The following PLEKHG1 variants were observed in gnomAD, a reference collection of about 807,000 sequenced individuals.
The protein encoded by PLEKHG1 is pleckstrin homology and RhoGEF domain containing G1.
PLEKHG1 carries 44 observed loss-of-function variants against 100.8 expected under a neutral mutation model. The observed-to-expected ratio is 0.44, with a 90% CI of 0.34 to 0.56. PLEKHG1 has a LOEUF of 0.56. Among genes scored for constraint, PLEKHG1 ranks in the 20% least tolerant of loss-of-function variants. The pLI is 0.01. For missense variants in PLEKHG1, 1,545 were observed against 1,720.9 expected (o/e 0.90, Z 1.81); for synonymous variants, 640 against 662.5 (o/e 0.97, Z 0.52).
At chr6:150,606,139 C>A (rs1179614958) in intron 1 of PLEKHG1, among the ~76,000 whole-genome samples, 1 of 152,168 alleles carries the variant, frequency 6.6e-6, no homozygotes, top group Non-Finnish European at 1.5e-5. Context: ...GTGAAACCTT[C>A]ACTTTGATTG....
intron 3 of PLEKHG1, among the ~76,000 whole-genome samples, chr6:150,693,238 A>G (rs921797308): frequency 7.2e-5 from 11 of 152,278 alleles, no homozygotes; most frequent in Middle Eastern, 3.4e-3. Flanking sequence ...CAGTGAGCCA[A>G]GATCACGCCA....
intron 3 of PLEKHG1, among the ~76,000 whole-genome samples, chr6:150,674,070 G>T (rs751097099): frequency 4.6e-5 from 7 of 151,880 alleles, no homozygotes; most frequent in Non-Finnish European, 1.0e-4. Flanking sequence ...TTTATTTAAG[G>T]AAAAAAAGAA....
At chr6:150,666,200 A>G (rs1779390002) in intron 3 of PLEKHG1, among the ~76,000 whole-genome samples, 1 of 152,218 alleles carries the variant, frequency 6.6e-6, no homozygotes, top group African/African-American at 2.4e-5. Flanking sequence ...AATGTATTAA[A>G]AGGGTCAGAT....
intron 3 of PLEKHG1, among the ~76,000 whole-genome samples, chr6:150,701,417 T>TTTTATA (rs1261404373): frequency 1.6e-3 from 51 of 31,160 alleles, no homozygotes; most frequent in South Asian, 2.5e-3. Flanking sequence ...CAGTAATTCT[T>TTTTATA]TATATATATA....
At chr6:150,623,496 G>GT (rs1777392323) in intron 1 of PLEKHG1, among the ~76,000 whole-genome samples, 1 of 152,192 alleles carries the variant, frequency 6.6e-6, no homozygotes, top group Admixed American at 6.5e-5. Context: ...ATTCTCTGTA[G>GT]TTTTCCAGTG....
At chr6:150,610,509 C>A (rs1259972415) in intron 1 of PLEKHG1, among the ~76,000 whole-genome samples, 1 of 152,122 alleles carries the variant, frequency 6.6e-6, no homozygotes, top group African/African-American at 2.4e-5. Context: ...AATAATTTTT[C>A]TTTTTACTAG....
chr6:150,762,045 T>C (rs1361839184), intron 2 of PLEKHG1, among the ~76,000 whole-genome samples: 1 of 152,222 alleles, frequency 6.6e-6, no homozygotes, highest in Non-Finnish European at 1.5e-5. Flanking sequence ...GCAAGTATTA[T>C]AGTTGGTAAA....
At chr6:150,805,301 G>A (rs1787006941) in intron 7 of PLEKHG1, among the ~76,000 whole-genome samples, 1 of 152,150 alleles carries the variant, frequency 6.6e-6, no homozygotes, top group African/African-American at 2.4e-5. Context: ...ACAATTTTGA[G>A]CCTCCCACTT....
At position 150,683,811 on chromosome 6, in the gene PLEKHG1, A is replaced by G; in HGVS notation, c.-99+33025A>G. On this transcript the variant is annotated intron_variant, in intron 3 of 3. Transcript: ENST00000367326. The surrounding 1 kb of genome is among the most constrained non-coding windows in gnomAD (Gnocchi z 4.0). ...GAAGAGGCAGGAAACTGCTGCCTGG[A>G]CAAATCGTGTTCTGGGCCAAAGCAT... 7.8e-7 allele frequency: 1 copy of G among 1,288,888 alleles called. No homozygotes were observed. Among genetic ancestry groups the G allele is most frequent in the South Asian group, 1.2e-5 (1 of 80,966 alleles). The allele number at this position is 1,288,888 out of a possible 1,614,324, so 79.8% of individuals were successfully genotyped here. A position where few individuals can be genotyped will look rare whatever the true frequency, so the allele number is the denominator to read the frequency against.
intron 1 of PLEKHG1, among the ~76,000 whole-genome samples, chr6:150,725,978 C>T (rs1583010233): frequency 6.6e-6 from 1 of 151,996 alleles, no homozygotes; most frequent in South Asian, 2.1e-4. Flanking sequence ...GATGGATGAA[C>T]CTGGAGCCTA....
chr6:150,806,799 T>C (rs1431375691), intron 7 of PLEKHG1, among the ~76,000 whole-genome samples: 10 of 129,552 alleles, frequency 7.7e-5, no homozygotes, highest in Non-Finnish European at 7.7e-5. Flanking sequence ...CACTGCACTC[T>C]AGCCTGGGAG....
chr6:150,728,237 G>C (rs1415804550), intron 1 of PLEKHG1, among the ~76,000 whole-genome samples: 4 of 140,186 alleles, frequency 2.9e-5, no homozygotes, highest in Admixed American at 6.8e-5. Context: ...GATCAGCATT[G>C]TCTGACTAAA....
In PLEKHG1 at chr6:150,732,802, G is replaced by A. The variant is rs935227184; in HGVS notation, c.-98-782G>A. Among the ~76,000 whole-genome samples the A allele has an allele frequency of 3.3e-5, 5 of 152,184 alleles. No individual in the cohort carries two copies. In the East Asian group the frequency reaches 9.6e-4, roughly 29 times the overall value. The stretch of plus-strand genomic sequence containing the variant: ...CGGTTTTGCCATGTTGGCCAGGCTT[G>A]TCTCAAACGCCTGGCCTCAAGTGAT... On this transcript the variant is annotated intron_variant, in intron 1 of 15. Coordinates refer to ENST00000358517, the Ensembl canonical transcript of PLEKHG1.
In PLEKHG1 at chr6:150,840,401, C is replaced by G. The variant is rs373194189; in HGVS notation, c.3663C>G (p.Asp1221Glu). The change falls in exon 16 of 16, where the codon GAC becomes GAG. Residue 1221 changes from aspartate to glutamate, a missense_variant. Physicochemically the swap from Asp to Glu is conservative, Grantham distance 45. Coordinates refer to ENST00000358517, the Ensembl canonical transcript of PLEKHG1. ...GTTCAAGGTGTGAGAGTCACCAGGA[C>G]TTGCTGCCAGATATTGCTGACTCGC... 4.0e-5 allele frequency: 64 copies of G among 1,614,020 alleles called. No homozygotes were observed. The Middle Eastern group carries it at 8.2e-4, about 21-fold the overall frequency.
At chr6:150,703,600 TAA>T (rs71690247) in intron 3 of PLEKHG1, among the ~76,000 whole-genome samples, 2 of 129,046 alleles carry the variant, frequency 1.5e-5, no homozygotes, top group Non-Finnish European at 3.3e-5. Flanking sequence ...GACTCCATCT[TAA>T]AAAAAAAAAA....
rs201678941 is a variant in PLEKHG1, at chr6:150,783,372, C to CT, written c.513-3002dup. ...ACATAATTCACGAGCAGAGATTCTT[C>CT]TTTTTTTTTTTTTTTTAACGGAGTC... On this transcript the variant is annotated intron_variant, in intron 3 of 15. Transcript: ENST00000358517. Among the ~76,000 whole-genome samples, 957 of 138,872 alleles carry CT rather than the reference C, an allele frequency of 6.9e-3. 5 individuals are homozygous for CT. Among genetic ancestry groups the CT allele is most frequent in the Middle Eastern group, 0.015 (4 of 264 alleles). 91.1% of individuals were successfully genotyped at this position (138,872 alleles called of 152,430 possible).
chr6:150,604,317 A>G (rs1203136018), intron 1 of PLEKHG1, among the ~76,000 whole-genome samples: 1 of 152,236 alleles, frequency 6.6e-6, no homozygotes, highest in Non-Finnish European at 1.5e-5. Flanking sequence ...GACTGTCTAG[A>G]CATTGAAAAG....
At chr6:150,733,796 C>T (rs1238672334) in exon 2 of PLEKHG1, 7 of 1,614,166 alleles carry the variant, frequency 4.3e-6, no homozygotes, top group Non-Finnish European at 5.9e-6. Context: ...TTCAAATAGC[C>T]ACATGGGCTT....
intron 1 of PLEKHG1, among the ~76,000 whole-genome samples, chr6:150,603,354 G>C (rs1246405390): frequency 6.6e-6 from 1 of 152,188 alleles, no homozygotes; most frequent in Non-Finnish European, 1.5e-5. Context: ...GTCACGGGCA[G>C]TCTGTGCCAA....
Sources: gnomAD v4.1 joint callset for allele counts (sites outside exome capture counted in the v4.1 genomes callset) on GRCh38, gnomAD v4.1.1 for gene constraint, Gnocchi (gnomAD v3.1) non-coding constraint, MANE v1.5 for transcripts, NCBI Gene and HGNC (gene_info 2026-07-23, HGNC 2026-07-21) for gene names.